Variants in CHODL observed in about 807,000 individuals in gnomAD.
The protein encoded by CHODL is chondrolectin.
Under a neutral mutation model 34.5 loss-of-function variants are expected in CHODL, and 29 were observed. The ratio of observed to expected loss-of-function variants is 0.84; its 90% confidence interval spans 0.63 to 1.15. CHODL has a LOEUF of 1.15. Ranked by LOEUF, CHODL falls within the 50% of genes most tolerant of loss-of-function variation. The pLI is 0.00. For synonymous variants in CHODL, 125 were observed against 116.1 expected (o/e 1.08, Z -0.49); for missense variants, 332 against 332.5 (o/e 1.00, Z 0.01).
intron 2 of CHODL, among the ~76,000 whole-genome samples, chr21:18,034,145 C>T (rs2064281151): frequency 6.6e-6 from 1 of 152,000 alleles, no homozygotes; most frequent in South Asian, 2.1e-4. Context: ...GCTTCTCAGT[C>T]ATGTGTAGGA....
intron 1 of CHODL, among the ~76,000 whole-genome samples, chr21:18,252,143 C>A (rs1400268480): frequency 6.6e-6 from 1 of 151,962 alleles, no homozygotes; most frequent in Non-Finnish European, 1.5e-5. Context: ...TGTAGATAAG[C>A]CCACAGTAAA....
intron 2 of CHODL, among the ~76,000 whole-genome samples, chr21:18,099,745 C>G (rs183861689): frequency 6.6e-6 from 1 of 152,186 alleles, no homozygotes; most frequent in Admixed American, 6.6e-5. Context: ...TTATGCAACT[C>G]AGAAAACTAC....
intron 2 of CHODL, among the ~76,000 whole-genome samples, chr21:18,160,555 T>A (rs1247954582): frequency 6.6e-6 from 1 of 152,148 alleles, no homozygotes; most frequent in Non-Finnish European, 1.5e-5. Context: ...TCTCAACATT[T>A]AGCGTCCACG....
chr21:18,264,145 T>A (rs1045520967), intron 5 of CHODL, among the ~76,000 whole-genome samples: 5 of 152,118 alleles, frequency 3.3e-5, no homozygotes, highest in Non-Finnish European at 5.9e-5. Flanking sequence ...TAGTTCTTTT[T>A]TCTCTTTGAG....
intron 2 of CHODL, among the ~76,000 whole-genome samples, chr21:18,123,075 C>T (rs1377789414): frequency 6.6e-6 from 1 of 152,188 alleles, no homozygotes; most frequent in Non-Finnish European, 1.5e-5. Flanking sequence ...GTAGCCGAAA[C>T]TCTTTCATGC....
chr21:18,025,212 A>T (rs2064162925), intron 1 of CHODL, among the ~76,000 whole-genome samples: 1 of 152,222 alleles, frequency 6.6e-6, no homozygotes. Flanking sequence ...TCTTCTAAAA[A>T]ATTATCAAAT....
intron 2 of CHODL, among the ~76,000 whole-genome samples, chr21:18,158,196 A>C (rs554268448): frequency 6.6e-6 from 1 of 152,242 alleles, no homozygotes; most frequent in South Asian, 2.1e-4. Flanking sequence ...AACAAGAAAA[A>C]TATTCAGAGC....
chr21:18,171,213 T>TTTTTTTTTTTTTTTTTTC (rs2073225644), intron 2 of CHODL, among the ~76,000 whole-genome samples: 1 of 80,862 alleles, frequency 1.2e-5, no homozygotes, highest in Non-Finnish European at 2.3e-5. Flanking sequence ...TTTTTTTTTT[T>TTTTTTTTTTTTTTTTTTC]TTTTGAGACG....
intron 2 of CHODL, among the ~76,000 whole-genome samples, chr21:18,199,763 A>G (rs2073631424): frequency 6.6e-6 from 1 of 152,118 alleles, no homozygotes; most frequent in Non-Finnish European, 1.5e-5. Flanking sequence ...TTTCTCCTAC[A>G]TCTCTTCATG....
chr21:18,247,346 A>T (rs1298826824), intron 1 of CHODL, among the ~76,000 whole-genome samples: 1 of 152,152 alleles, frequency 6.6e-6, no homozygotes, highest in African/African-American at 2.4e-5. Flanking sequence ...CTATTTGTTA[A>T]ATTTCAGTAC....
intron 2 of CHODL, among the ~76,000 whole-genome samples, chr21:18,220,851 A>G (rs1378378232): frequency 1.3e-5 from 2 of 152,010 alleles, no homozygotes; most frequent in African/African-American, 4.8e-5. Context: ...TGACAGTTTG[A>G]CTATAATGTG....
intron 1 of CHODL, among the ~76,000 whole-genome samples, chr21:17,973,953 T>C (rs1212993201): frequency 6.6e-6 from 1 of 152,138 alleles, no homozygotes; most frequent in African/African-American, 2.4e-5. Context: ...ACTGGGGAAA[T>C]AGGTGTAGGG....
intron 1 of CHODL, among the ~76,000 whole-genome samples, chr21:18,002,906 A>G (rs1010285230): frequency 2.0e-5 from 3 of 151,986 alleles, no homozygotes; most frequent in East Asian, 1.9e-4. Context: ...GGCGGATCAT[A>G]AGGTCAGGAG....
At chr21:18,112,041 C>T (rs1289693401) in intron 2 of CHODL, among the ~76,000 whole-genome samples, 1 of 152,188 alleles carries the variant, frequency 6.6e-6, no homozygotes, top group Non-Finnish European at 1.5e-5. Flanking sequence ...CAAGCAAGTA[C>T]TGTAATAGAT....
rs9979919 is a variant in CHODL at position 18,062,059 on chromosome 21, G to T, written c.-45+34088G>T. On this transcript the variant is annotated intron_variant, in intron 2 of 6. Transcript: ENST00000400127. ...CATAGAAGACAAGGCAAGTGAAGTT[G>T]CCATAGAGCAACAGATAGGAGAATA... 9.2e-3 allele frequency among the ~76,000 whole-genome samples: 1,400 copies of T among 152,208 alleles called. 22 individuals are homozygous for T. Among genetic ancestry groups the T allele is most frequent in the African/African-American group, 0.031 (1,290 of 41,522 alleles).
chr21:17,986,489 T>C (rs1219083249), intron 1 of CHODL, among the ~76,000 whole-genome samples: 2 of 152,344 alleles, frequency 1.3e-5, no homozygotes, highest in East Asian at 3.9e-4. Context: ...GCAGAGGACA[T>C]GAACTCATCC....
At chr21:18,181,696 C>A (rs1414253814) in intron 2 of CHODL, among the ~76,000 whole-genome samples, 4 of 152,178 alleles carry the variant, frequency 2.6e-5, no homozygotes, top group African/African-American at 9.6e-5. Context: ...AGCCAAGAAT[C>A]ACATCTTATT....
intron 2 of CHODL, among the ~76,000 whole-genome samples, chr21:18,234,861 G>A (rs1017466679): frequency 3.9e-5 from 6 of 152,100 alleles, no homozygotes; most frequent in African/African-American, 1.4e-4. Flanking sequence ...ATAAGTACAT[G>A]TAAGCAGCTA....
intron 2 of CHODL, among the ~76,000 whole-genome samples, chr21:18,157,807 A>AT (rs1384176733): frequency 2.0e-5 from 3 of 152,364 alleles, no homozygotes; most frequent in Admixed American, 6.5e-5. Context: ...AATTTGACAT[A>AT]TACCAAATGG....
Sources: gnomAD v4.1 joint callset for allele counts (sites outside exome capture counted in the v4.1 genomes callset) on GRCh38, gnomAD v4.1.1 for gene constraint, MANE v1.5 for transcripts, NCBI Gene and HGNC (gene_info 2026-07-23, HGNC 2026-07-21) for gene names.